SCEL: variants seen among roughly 807,000 people sequenced by gnomAD.
SCEL encodes sciellin.
In SCEL, 113 loss-of-function variants were observed where a neutral mutation model predicts 117.6. That is an observed-to-expected ratio of 0.96 (90% CI 0.83 to 1.12). The LOEUF (loss-of-function observed/expected upper bound fraction) is 1.12, where lower values mean the gene tolerates loss of function less well. Ranked by LOEUF, SCEL falls within the 50% of genes most tolerant of loss-of-function variation. SCEL has a pLI of 0.00. For synonymous variants in SCEL, 270 were observed against 256.2 expected, an observed-to-expected ratio of 1.05 and a Z score of -0.51; for missense variants, 785 against 810.8, an observed-to-expected ratio of 0.97 and a Z score of 0.39.
intron 31 of SCEL, among the ~76,000 whole-genome samples, chr13:77,641,879 G>A (rs2090572652): frequency 1.3e-5 from 2 of 151,944 alleles, no homozygotes; most frequent in South Asian, 4.2e-4. Flanking sequence ...AGGGCATAAT[G>A]TACAGAATGC....
chr13:77,631,642 T>C (rs1057271178), intron 28 of SCEL, among the ~76,000 whole-genome samples: 1 of 152,190 alleles, frequency 6.6e-6, no homozygotes, highest in African/African-American at 2.4e-5. Flanking sequence ...AAAATAATGG[T>C]TTATTTTTTA....
chr13:77,610,926 A>G (rs367719350), intron 22 of SCEL, among the ~76,000 whole-genome samples: 6 of 152,168 alleles, frequency 3.9e-5, no homozygotes, highest in African/African-American at 9.7e-5. Flanking sequence ...AAGTAAATAA[A>G]CAGGCATAAC....
At chr13:77,595,801 G>A (rs1365287262) in intron 12 of SCEL, among the ~76,000 whole-genome samples, 1 of 152,130 alleles carries the variant, frequency 6.6e-6, no homozygotes. Flanking sequence ...TTGTATTTCA[G>A]TATTTATTCT....
intron 9 of SCEL, among the ~76,000 whole-genome samples, chr13:77,583,384 C>A (rs773615834): frequency 7.9e-5 from 12 of 152,162 alleles, no homozygotes; most frequent in Non-Finnish European, 1.3e-4. Flanking sequence ...TGACTGGCCA[C>A]TAGAAAGCGA....
At chr13:77,633,165 G>A (rs942222231) in intron 28 of SCEL, among the ~76,000 whole-genome samples, 1 of 150,584 alleles carries the variant, frequency 6.6e-6, no homozygotes, top group Admixed American at 6.6e-5. Flanking sequence ...GGCCGGGCGC[G>A]GTGGCTCACG....
At chr13:77,631,462 C>A (rs80178166) in intron 28 of SCEL, among the ~76,000 whole-genome samples, 3,876 of 152,158 alleles carry the variant, frequency 0.025, 162 homozygotes, top group East Asian at 0.13. Context: ...AATGTAAAAA[C>A]CAGTGAGACA....
intron 10 of SCEL, among the ~76,000 whole-genome samples, 161 bp downstream of exon 10, chr13:77,589,385 T>G (rs1163153366): frequency 6.6e-6 from 1 of 152,200 alleles, no homozygotes; most frequent in Non-Finnish European, 1.5e-5. Flanking sequence ...CCAACACATA[T>G]GTTTATTTAT....
intron 17 of SCEL, 117 bp downstream of exon 17, chr13:77,602,830 C>T: frequency 1.2e-6 from 1 of 833,104 alleles, no homozygotes; most frequent in East Asian, 2.5e-5. Context: ...TCCCTGGTGC[C>T]CTGATCTTCA....
chr13:77,556,026 CTAATT>C, intron 2 of SCEL, 108 bp downstream of exon 2: 1 of 756,206 alleles, frequency 1.3e-6, no homozygotes, highest in East Asian at 2.7e-5. Flanking sequence ...AAACAACAGT[CTAATT>C]TAATTAGCAT....
chr13:77,550,873 A>G (rs1173976500), intron 1 of SCEL, among the ~76,000 whole-genome samples: 1 of 152,212 alleles, frequency 6.6e-6, no homozygotes, highest in Non-Finnish European at 1.5e-5. Context: ...ATGTTGGGGA[A>G]TACACAGAGA....
chr13:77,567,650 T>C lies in SCEL; in HGVS notation c.291-30T>C. 3.3e-6 allele frequency: 5 copies of C among 1,502,120 alleles called. No individual in the cohort carries two copies. In the South Asian group the frequency reaches 4.6e-5, roughly 14 times the overall value. The allele number at this position is 1,502,120 out of a possible 1,614,324, so 93.0% of individuals were successfully genotyped here. On this transcript the variant is annotated intron_variant, in intron 5 of 32. Transcript: ENST00000349847. ...AGGAGTTTGATAATTTAAATATTTA[T>C]CCAGACTTTTGTCTTGTTTCTTTAT... is the stretch of plus-strand genomic sequence containing the variant.
chr13:77,571,739 G>A (rs1269279582), intron 8 of SCEL, among the ~76,000 whole-genome samples: 2 of 149,728 alleles, frequency 1.3e-5, no homozygotes, highest in Admixed American at 6.8e-5. Flanking sequence ...ATAGAGTAGA[G>A]TATAAGATTG....
At chr13:77,584,880 T>C (rs1180038714) in intron 9 of SCEL, among the ~76,000 whole-genome samples, 1 of 152,124 alleles carries the variant, frequency 6.6e-6, no homozygotes, top group South Asian at 2.1e-4. Flanking sequence ...ATGGTGGCAA[T>C]ACAAACAAAA....
chr13:77,558,955 C>G (rs1396249167), intron 3 of SCEL, among the ~76,000 whole-genome samples: 2 of 151,946 alleles, frequency 1.3e-5, no homozygotes, highest in East Asian at 3.9e-4. Context: ...GGCTCAAATC[C>G]AAAGACTTCA....
chr13:77,639,139 G>C (rs947950126), intron 30 of SCEL, among the ~76,000 whole-genome samples: 18 of 152,186 alleles, frequency 1.2e-4, no homozygotes, highest in African/African-American at 4.3e-4. Flanking sequence ...ACCACTCTTT[G>C]TATTTGCAGC....
intron 9 of SCEL, among the ~76,000 whole-genome samples, chr13:77,584,011 T>C (rs1193020326): frequency 6.6e-6 from 1 of 152,198 alleles, no homozygotes; most frequent in African/African-American, 2.4e-5. Context: ...TGAAAGCTCA[T>C]CATGATAGCC....
chr13:77,604,619 A>G (rs2087986969), intron 19 of SCEL, among the ~76,000 whole-genome samples: 1 of 152,238 alleles, frequency 6.6e-6, no homozygotes, highest in African/African-American at 2.4e-5. Flanking sequence ...AAAGTTTGTT[A>G]TCAAATAATT....
At chr13:77,553,502 A>T (rs1281067603) in intron 1 of SCEL, among the ~76,000 whole-genome samples, 3 of 152,152 alleles carry the variant, frequency 2.0e-5, no homozygotes, top group Non-Finnish European at 4.4e-5. Flanking sequence ...CCTGAGACAC[A>T]CTGCCAGACA....
intron 9 of SCEL, 27 bp downstream of exon 9, chr13:77,572,216 G>T: frequency 1.9e-6 from 3 of 1,542,402 alleles, no homozygotes; most frequent in Non-Finnish European, 1.8e-6. Context: ...AGGCGTAATT[G>T]CTGTGCCATT....
Sources: gnomAD v4.1 joint callset for allele counts (sites outside exome capture counted in the v4.1 genomes callset) on GRCh38, gnomAD v4.1.1 for gene constraint, MANE v1.5 for transcripts, NCBI Gene and HGNC (gene_info 2026-07-23, HGNC 2026-07-21) for gene names.